The following RAB2A variants were observed in gnomAD, a reference collection of about 807,000 sequenced individuals.
RAB2A encodes ras-related protein Rab-2A.
Under a neutral mutation model 32.5 loss-of-function variants are expected in RAB2A, and 7 were observed. The ratio of observed to expected loss-of-function variants is 0.22; its 90% CI spans 0.12 to 0.40. The LOEUF (loss-of-function observed/expected upper bound fraction) is 0.40. Among genes scored for constraint, RAB2A ranks in the 10% least tolerant of loss-of-function variants. The pLI is 1.00. For synonymous variants in RAB2A, 79 were observed against 85.2 expected, an observed-to-expected ratio of 0.93 and a Z score of 0.40; for missense variants, 108 against 260.7, an observed-to-expected ratio of 0.41 and a Z score of 4.03.
At chr8:60,563,807 T>C (rs1808062940) in intron 2 of RAB2A, among the ~76,000 whole-genome samples, 1 of 152,206 alleles carries the variant, frequency 6.6e-6, no homozygotes, top group Non-Finnish European at 1.5e-5. Context: ...TTCACTCTCA[T>C]CTCTCTTGTG....
At chr8:60,517,980 T>C (rs1807236423) in intron 1 of RAB2A, among the ~76,000 whole-genome samples, 1 of 152,078 alleles carries the variant, frequency 6.6e-6, no homozygotes, top group East Asian at 1.9e-4. Flanking sequence ...CGTTCAGTGC[T>C]CTGGGTGTGT....
chr8:60,518,625 C>T lies in RAB2A; in HGVS notation c.46+1372C>T, dbSNP rs374885673. Reference sequence around the variant, plus strand: ...AAAAAAAAAAAAAAAAAAAAAAAAGCATATTTATTGCTGCCTGAAAGAAAA... The same window carrying T: ...AAAAAAAAAAAAAAAAAAAAAAAAGTATATTTATTGCTGCCTGAAAGAAAA... On this transcript the variant is annotated intron_variant, in intron 1 of 7. Transcript: ENST00000262646. Among the ~76,000 whole-genome samples, 953 of 99,154 alleles carry T rather than the reference C, an allele frequency of 9.6e-3. 13 individuals carry two copies. Among genetic ancestry groups the T allele is most frequent in the African/African-American group, 0.036 (874 of 24,560 alleles). The allele number at this position is 99,154 out of a possible 152,430, so 65.0% of individuals were successfully genotyped here.
intron 2 of RAB2A, among the ~76,000 whole-genome samples, chr8:60,562,127 C>G (rs1808034491): frequency 6.6e-6 from 1 of 152,170 alleles, no homozygotes; most frequent in South Asian, 2.1e-4. Context: ...TATTACAGTT[C>G]TTTTCTGAAC....
chr8:60,537,853 G>T (rs1187974930), intron 1 of RAB2A, among the ~76,000 whole-genome samples: 4 of 151,924 alleles, frequency 2.6e-5, no homozygotes, highest in East Asian at 1.9e-4. Flanking sequence ...GCTAATTTTT[G>T]ATTTTTTGTA....
rs200377607 is a variant in RAB2A at position 60,586,933 on chromosome 8, G to GAA, written c.362+2136_362+2137dup. Among the ~76,000 whole-genome samples, 436 of 63,898 alleles carry GAA rather than the reference G, an allele frequency of 6.8e-3. 4 individuals are homozygous for GAA. Among genetic ancestry groups the GAA allele is most frequent in the African/African-American group, 0.017 (375 of 22,656 alleles). The allele number at this position is 63,898 out of a possible 152,430, so 41.9% of individuals were successfully genotyped here. On this transcript the variant is annotated intron_variant, in intron 5 of 7. Transcript: ENST00000262646. ...CAAAAGAGCAAGACTCTGTCTCCAAGAAAAAAAAAAAAAAAAAAAGATTTA... is the reference window on the plus strand; with the variant it reads ...CAAAAGAGCAAGACTCTGTCTCCAAGAAAAAAAAAAAAAAAAAAAAAGATTTA...
intron 5 of RAB2A, among the ~76,000 whole-genome samples, chr8:60,586,802 G>A (rs886173156): frequency 2.0e-5 from 3 of 151,898 alleles, no homozygotes; most frequent in African/African-American, 4.8e-5. Context: ...GCTGGCACAC[G>A]CCTTTAGCTC....
rs954240259 is a variant in RAB2A at position 60,621,511 on chromosome 8, CCT to C, written c.*745_*746del. ...TGCTTTGTCCACAATTTCCTTAAGACCTCTTCAGAAAGGGATTTGTTTGCCTT... is the reference window on the plus strand; with the variant it reads ...TGCTTTGTCCACAATTTCCTTAAGACCTTCAGAAAGGGATTTGTTTGCCTT... On this transcript the variant is annotated 3_prime_UTR_variant, in exon 8 of 8. Transcript: ENST00000262646. 2 of 151,950 alleles carry C rather than the reference CCT, an allele frequency of 1.3e-5. No individual in the cohort carries two copies. Among genetic ancestry groups the C allele is most frequent in the African/African-American group, 4.8e-5 (2 of 41,354 alleles). The allele number at this position is 151,950 out of a possible 1,614,324, so 9.4% of individuals were successfully genotyped here.
chr8:60,547,908 G>C (rs1586074752), intron 1 of RAB2A, among the ~76,000 whole-genome samples: 2 of 109,762 alleles, frequency 1.8e-5, no homozygotes, highest in African/African-American at 3.9e-5. Flanking sequence ...TCCCGGACGG[G>C]GCGGCTGGCC....
intron 2 of RAB2A, among the ~76,000 whole-genome samples, chr8:60,566,724 T>G (rs1191716617): frequency 6.6e-6 from 1 of 152,192 alleles, no homozygotes; most frequent in African/African-American, 2.4e-5. Flanking sequence ...GTGAACGTGG[T>G]TCTCAATAGG....
intron 1 of RAB2A, among the ~76,000 whole-genome samples, chr8:60,522,104 G>C (rs376570176): frequency 6.6e-6 from 1 of 152,186 alleles, no homozygotes; most frequent in African/African-American, 2.4e-5. Context: ...GGGGCACATG[G>C]GGAAAGTTAT....
intron 1 of RAB2A, among the ~76,000 whole-genome samples, chr8:60,549,532 A>T (rs1586076386): frequency 6.9e-6 from 1 of 145,484 alleles, no homozygotes; most frequent in East Asian, 2.1e-4. Flanking sequence ...ATAGAAAATG[A>T]TTGGGGATTG....
In RAB2A at chr8:60,562,276, T is replaced by C. The variant is rs541626003; in HGVS notation, c.118+3353T>C. 2.6e-5 allele frequency among the ~76,000 whole-genome samples: 4 copies of C among 152,280 alleles called. No individual in the cohort carries two copies. In the East Asian group the frequency reaches 7.7e-4, roughly 29 times the overall value. On this transcript the variant is annotated intron_variant, in intron 2 of 7. Transcript: ENST00000262646. Reference sequence around the variant, plus strand: ...GTTTCAATATAATGCTCCACACCAATAGGGATTCTTAGTAGCTCATGCATT... The same window carrying C: ...GTTTCAATATAATGCTCCACACCAACAGGGATTCTTAGTAGCTCATGCATT...
chr8:60,539,583 T>C (rs1388353973), intron 1 of RAB2A, among the ~76,000 whole-genome samples: 1 of 152,180 alleles, frequency 6.6e-6, no homozygotes, highest in East Asian at 1.9e-4. Flanking sequence ...TCACCAAATA[T>C]AAAACGTAGG....
At chr8:60,565,798 C>T (rs895475266) in intron 2 of RAB2A, among the ~76,000 whole-genome samples, 3 of 143,482 alleles carry the variant, frequency 2.1e-5, no homozygotes, top group Non-Finnish European at 4.5e-5. Flanking sequence ...GCAACCTCCA[C>T]ATCCCAGGTT....
intron 1 of RAB2A, chr8:60,552,811 T>C (rs1355465794): frequency 6.6e-6 from 1 of 152,218 alleles, no homozygotes; most frequent in Non-Finnish European, 1.5e-5. Context: ...TTCTCTCTCT[T>C]ATCAGTCAAC....
chr8:60,582,729 T>G (rs1240394025), intron 3 of RAB2A, among the ~76,000 whole-genome samples: 1 of 152,150 alleles, frequency 6.6e-6, no homozygotes, highest in East Asian at 1.9e-4. Flanking sequence ...CCCAGGCTGG[T>G]CTTAACCCAT....
Position 60,620,809 on chromosome 8 carries a change from ACTTATT to A in RAB2A, c.*44_*49del. The A allele has an allele frequency of 6.5e-7, 1 of 1,545,784 alleles. No individual in the cohort carries two copies. The highest frequency in any genetic ancestry group is 8.8e-7 in the Non-Finnish European group (1 of 1,139,794). On this transcript the variant is annotated 3_prime_UTR_variant, in exon 8 of 8. Transcript: ENST00000262646. ...TCTAGCTGCCCAACGGGGCCTACTCACTTATTCTTTCACCCCCTCTCCTCCTGCTCA... is the reference window on the plus strand; with the variant it reads ...TCTAGCTGCCCAACGGGGCCTACTCACTTTCACCCCCTCTCCTCCTGCTCA...
At chr8:60,618,283 T>C (rs768518040) in intron 6 of RAB2A, among the ~76,000 whole-genome samples, 4 of 152,228 alleles carry the variant, frequency 2.6e-5, no homozygotes, top group Non-Finnish European at 5.9e-5. Context: ...TGCCATTCTT[T>C]AGATCAGGTT....
At chr8:60,578,758 T>C (rs554661327) in intron 3 of RAB2A, among the ~76,000 whole-genome samples, 23 of 152,158 alleles carry the variant, frequency 1.5e-4, no homozygotes, top group Non-Finnish European at 3.2e-4. Context: ...ACTACAAATA[T>C]TGCTATTCAC....
Sources: allele counts gnomAD v4.1 joint callset (sites outside exome capture counted in the v4.1 genomes callset), GRCh38; gene constraint gnomAD v4.1.1; transcripts MANE v1.5; gene names NCBI Gene and HGNC (gene_info 2026-07-23, HGNC 2026-07-21).